MRPL39: variants seen among roughly 807,000 people sequenced by gnomAD.
MRPL39 encodes large ribosomal subunit protein mL39.
In MRPL39, 35 loss-of-function variants were observed where a neutral mutation model predicts 44.5. The observed-to-expected ratio is 0.79, with a 90% CI of 0.60 to 1.04. The LOEUF (loss-of-function observed/expected upper bound fraction) is 1.04. Ranked by LOEUF, MRPL39 falls within the 50% of genes least tolerant of loss-of-function variation. The pLI, the probability that MRPL39 is intolerant of heterozygous loss-of-function variation, is 0.00. For synonymous variants in MRPL39, 139 were observed against 136.1 expected (o/e 1.02, Z -0.15); for missense variants, 433 against 413.5 (o/e 1.05, Z -0.41).
chr21:25,597,206 T>A, intron 6 of MRPL39, 96 bp downstream of exon 6: 1 of 739,722 alleles, frequency 1.4e-6, no homozygotes, highest in Non-Finnish European at 2.3e-6. Context: ...CACTGTCACA[T>A]GTATATCAAA....
chr21:25,602,398 C>T (rs1003941732), intron 3 of MRPL39, among the ~76,000 whole-genome samples: 2 of 152,308 alleles, frequency 1.3e-5, no homozygotes, highest in South Asian at 4.1e-4. Context: ...ATAGCACGAA[C>T]TCACAGAGTT....
In MRPL39 at chr21:25,601,458, G is replaced by A. The variant is rs1419727642; in HGVS notation, c.430C>T (p.Arg144Cys). ...CAGCCCATCATCATAGCACAGGAAC[G>A]CCAATATGCCTAGAAAAAAAATATA... ...DPGEVNKAYW[R>C]SCAMMMGCVI... The change falls in exon 4 of 10, where the codon CGT (arginine) becomes TGT (cysteine). Residue 144 changes from arginine (R) to cysteine (C), a missense_variant. Physicochemically the swap from Arg to Cys is radical, Grantham distance 180. Coordinates refer to ENST00000352957, the MANE Select transcript of MRPL39 (RefSeq NM_017446.4). 3.2e-6 allele frequency: 5 copies of A among 1,573,266 alleles called. No individual in the cohort carries two copies. The highest frequency in any genetic ancestry group is 1.8e-5 in the Admixed American group (1 of 56,964).
chr21:25,607,605 G>T, upstream of MRPL39: 2 of 903,018 alleles, frequency 2.2e-6, no homozygotes, highest in Non-Finnish European at 3.3e-6. Flanking sequence ...CTCCACCGGG[G>T]GGCGTCAGGC....
Position 25,587,473 on chromosome 21 carries a change from G to C in MRPL39, c.969+1362C>G, listed in dbSNP as rs540907007. Among the ~76,000 whole-genome samples, 5 of 152,198 alleles carry C rather than the reference G, an allele frequency of 3.3e-5. No individual in the cohort carries two copies. The South Asian group carries it at 1.0e-3, about 32-fold the overall frequency. ...TCCTATCTACATAGTCATTAATAAA[G>C]ACTAGGTTTATATATCATTATGAAA... On this transcript the variant is annotated intron_variant, in intron 9 of 9. Coordinates refer to ENST00000352957, the MANE Select transcript of MRPL39 (RefSeq NM_017446.4).
chr21:25,592,506 G>C (rs2031209837), intron 8 of MRPL39, among the ~76,000 whole-genome samples: 1 of 152,088 alleles, frequency 6.6e-6, no homozygotes, highest in Admixed American at 6.5e-5. Flanking sequence ...AAGCTTAAAA[G>C]GCATTCCAGG....
intron 8 of MRPL39, 111 bp from the exon 9 acceptor site, chr21:25,588,993 C>A: frequency 1.1e-6 from 1 of 917,328 alleles, no homozygotes. Flanking sequence ...CTAGGCAGTA[C>A]TAATTTAGAT....
intron 5 of MRPL39, among the ~76,000 whole-genome samples, 185 bp from the exon 6 acceptor site, chr21:25,597,599 ACTT>A (rs1328968873): frequency 6.6e-6 from 1 of 152,160 alleles, no homozygotes; most frequent in Non-Finnish European, 1.5e-5. Context: ...AAACTATAAA[ACTT>A]CTTATTTACC....
chr21:25,604,876 A>G (rs2031618433), intron 2 of MRPL39, among the ~76,000 whole-genome samples: 1 of 152,228 alleles, frequency 6.6e-6, no homozygotes, highest in Admixed American at 6.5e-5. Context: ...GCAAGCATGA[A>G]TGACAAGAAC....
At chr21:25,599,221 A>G (rs899456188) in intron 5 of MRPL39, among the ~76,000 whole-genome samples, 4 of 151,678 alleles carry the variant, frequency 2.6e-5, no homozygotes, top group African/African-American at 9.7e-5. Flanking sequence ...AAGGCAAACC[A>G]TTCACAAAGA....
intron 2 of MRPL39, among the ~76,000 whole-genome samples, chr21:25,606,131 C>T (rs1038957887): frequency 2.6e-5 from 4 of 152,222 alleles, no homozygotes; most frequent in African/African-American, 9.6e-5. Flanking sequence ...GCGCCCACCA[C>T]ATCTGGCTAA....
chr21:25,585,719 A>G lies in MRPL39; in HGVS notation c.1005T>C (p.Cys335=), dbSNP rs758738842. The G allele has an allele frequency of 6.4e-7, 1 of 1,560,192 alleles. No individual in the cohort carries two copies. The highest frequency in any genetic ancestry group is 8.7e-7 in the Non-Finnish European group (1 of 1,143,010). ...TEDQSKATEE[C]TST is the part of the protein sequence containing the mutation. ...TTTTAGAAAGTTATTAGGTAGATGT[A>G]CATTCCTCTGTTGCTTTACTTTGAT... Residue 335 remains cysteine, a synonymous_variant, in exon 10 of 10, where the codon TGT becomes TGC. Transcript: ENST00000352957.
intron 8 of MRPL39, among the ~76,000 whole-genome samples, chr21:25,590,759 G>A (rs1266767931): frequency 3.3e-5 from 5 of 152,126 alleles, no homozygotes; most frequent in African/African-American, 1.2e-4. Context: ...AGACTCTGTT[G>A]ACATTGAAAA....
rs760285450 is a variant in MRPL39, at chr21:25,592,953, G to A, written c.780C>T (p.Phe260=). The A allele has an allele frequency of 6.2e-7, 1 of 1,611,192 alleles. No homozygotes were observed. Among genetic ancestry groups the A allele is most frequent in the African/African-American group, 1.3e-5 (1 of 74,860 alleles). ...RIVKLHRIGD[F]IDVSEGPLIP... is the part of the protein sequence containing the mutation. Reference sequence around the variant, plus strand: ...TAAGAGGGCCCTCACTCACATCAATGAAGTCACCTATTCTGATTGATTTAA... The same window carrying A: ...TAAGAGGGCCCTCACTCACATCAATAAAGTCACCTATTCTGATTGATTTAA... The change falls in exon 8 of 10, where the codon TTC becomes TTT. Residue 260 remains phenylalanine, a synonymous_variant. Transcript: ENST00000352957.
intron 8 of MRPL39, among the ~76,000 whole-genome samples, chr21:25,589,994 T>C (rs893583333): frequency 6.6e-6 from 1 of 152,084 alleles, no homozygotes; most frequent in African/African-American, 2.4e-5. Context: ...AGGGAAGCCA[T>C]TGGAAAGTTT....
At position 25,603,827 on chromosome 21, in the gene MRPL39, A is replaced by C. The variant is rs1424241507; in HGVS notation, c.389T>G (p.Phe130Cys). The C allele has an allele frequency of 1.9e-6, 3 of 1,611,952 alleles. No homozygotes were observed. The highest frequency in any genetic ancestry group is 2.5e-6 in the Non-Finnish European group (3 of 1,178,996). The change falls in exon 3 of 10, where the codon TTC becomes TGC. Residue 130 changes from phenylalanine (F) to cysteine (C), a missense_variant. Phe to Cys is a radical substitution (Grantham distance 205). Transcript: ENST00000352957. ...TKSCEIKFLT[F>C]KDCDPGEVNK... Reference sequence around the variant, plus strand: ...CACTTCTCCTGGATCACAATCTTTGAAAGTAAGAAATTTAATTTCACAGGA... The same window carrying C: ...CACTTCTCCTGGATCACAATCTTTGCAAGTAAGAAATTTAATTTCACAGGA...
chr21:25,586,313 T>G (rs2030995541), intron 9 of MRPL39, among the ~76,000 whole-genome samples: 1 of 152,192 alleles, frequency 6.6e-6, no homozygotes, highest in African/African-American at 2.4e-5. Context: ...TTCACTCTCT[T>G]CTTCCTACCT....
rs146292616 is a variant in MRPL39 at position 25,598,073 on chromosome 21, G to A, written c.589-659C>T. Among the ~76,000 whole-genome samples, 6 of 152,040 alleles carry A rather than the reference G, an allele frequency of 3.9e-5. No homozygotes were observed. The East Asian group carries it at 1.2e-3, about 29-fold the overall frequency. On this transcript the variant is annotated intron_variant, in intron 5 of 9. Coordinates refer to ENST00000352957, the MANE Select transcript of MRPL39 (RefSeq NM_017446.4). ...GAAAAAACCAAGCACTATTACACAA[G>A]TAATTTTTATAATGAAATTATTTCC...
chr21:25,593,616 C>T (rs772761953), intron 7 of MRPL39, among the ~76,000 whole-genome samples: 1 of 152,104 alleles, frequency 6.6e-6, no homozygotes, highest in African/African-American at 2.4e-5. Context: ...TTTCAAAACA[C>T]CTAAAAATTA....
intron 1 of MRPL39, 124 bp from the exon 2 acceptor site, chr21:25,606,779 T>C (rs2031689125): frequency 2.8e-6 from 2 of 714,292 alleles, no homozygotes; most frequent in Non-Finnish European, 4.6e-6. Context: ...GAAACAGAGC[T>C]GGCCCAGATA....
Sources: allele counts gnomAD v4.1 joint callset (sites outside exome capture counted in the v4.1 genomes callset), GRCh38; gene constraint gnomAD v4.1.1; transcripts MANE v1.5; gene names NCBI Gene and HGNC (gene_info 2026-07-23, HGNC 2026-07-21).